Variants in HMCN1 observed in about 807,000 individuals in gnomAD.
HMCN1 encodes hemicentin 1, also known as hemicentin-1.
A neutral mutation model predicts 625.9 loss-of-function variants in HMCN1; 321 were observed. The observed-to-expected ratio is 0.51, with a 90% CI of 0.47 to 0.56. The LOEUF is 0.56. HMCN1 is among the 20% of genes least tolerant of loss of function. The pLI, the probability that HMCN1 is intolerant of heterozygous loss-of-function variation, is 0.00. For synonymous variants in HMCN1, 2,425 were observed against 2,417.6 expected (o/e 1.00, Z -0.09); for missense variants, 6,588 against 6,887.3 (o/e 0.96, Z 1.54).
At chr1:186,111,067 G>A (rs1244060844) in intron 71 of HMCN1, among the ~76,000 whole-genome samples, 3 of 137,240 alleles carry the variant, frequency 2.2e-5, no homozygotes, top group African/African-American at 8.5e-5. Context: ...TGCAAGCTCC[G>A]CCTCCTGGGT....
chr1:186,040,466 G>C (rs1423739360), intron 39 of HMCN1, among the ~76,000 whole-genome samples: 1 of 152,098 alleles, frequency 6.6e-6, no homozygotes. Context: ...AGAAAGCATA[G>C]TATTCCTAAC....
intron 45 of HMCN1, 41 bp from the exon 46 acceptor site, chr1:186,057,193 C>A: frequency 1.3e-6 from 2 of 1,536,192 alleles, no homozygotes; most frequent in Non-Finnish European, 1.8e-6. Flanking sequence ...TATCAGGCAA[C>A]TAATATTTCC....
At position 186,145,837 on chromosome 1, in the gene HMCN1, G is replaced by A. The variant is rs201442868; in HGVS notation, c.14522G>A (p.Cys4841Tyr). 1.9e-6 allele frequency: 3 copies of A among 1,614,080 alleles called. No homozygotes were observed. In the East Asian group the frequency reaches 6.7e-5, roughly 36 times the overall value. The change falls in exon 93 of 107, where the codon TGC becomes TAC. Residue 4841 changes from cysteine (C) to tyrosine (Y), a missense_variant. By Grantham distance (194) the Cys-to-Tyr change is radical. Transcript: ENST00000271588. ...GGGEKTRKRL[C>Y]DHPVPVKGGR... Reference sequence around the variant, plus strand: ...GGTGAAAAGACTCGGAAGCGGCTGTGCGACCATCCTGTGCCAGTTAAAGGT... The same window carrying A: ...GGTGAAAAGACTCGGAAGCGGCTGTACGACCATCCTGTGCCAGTTAAAGGT...
rs576384340 is a variant in HMCN1, at chr1:185,758,496, C to G, written c.268+23449C>G. ...ACAAAAAATACAAAAATTAGCTGGGCGTGGTTGCACATGCCTGTAGTCCCA... is the reference window on the plus strand; with the variant it reads ...ACAAAAAATACAAAAATTAGCTGGGGGTGGTTGCACATGCCTGTAGTCCCA... On this transcript the variant is annotated intron_variant, in intron 1 of 106. Coordinates refer to ENST00000271588, the MANE Select transcript of HMCN1 (RefSeq NM_031935.3). Among the ~76,000 whole-genome samples the G allele has an allele frequency of 2.0e-5, 3 of 152,144 alleles. No individual in the cohort carries two copies. In the East Asian group the frequency reaches 5.8e-4, roughly 29 times the overall value.
At chr1:185,891,492 T>G (rs1299142617) in intron 4 of HMCN1, among the ~76,000 whole-genome samples, 2 of 148,196 alleles carry the variant, frequency 1.3e-5, no homozygotes, top group African/African-American at 2.7e-5. Context: ...AGGAGCTCTT[T>G]TAGGGCAGGC....
rs530866446 is a variant in HMCN1 at position 185,914,146 on chromosome 1, A to G, written c.900+2366A>G. ...CATTATAATGAAACTTAAAAATAAC[A>G]AACTTATTTTGCTTCTATATGAAAT... is the stretch of plus-strand genomic sequence containing the variant. On this transcript the variant is annotated intron_variant, in intron 6 of 106. Coordinates refer to ENST00000271588, the MANE Select transcript of HMCN1 (RefSeq NM_031935.3). 1.4e-4 allele frequency among the ~76,000 whole-genome samples: 21 copies of G among 152,286 alleles called. No homozygotes were observed. The South Asian group carries it at 4.3e-3, about 32-fold the overall frequency.
At position 185,984,183 on chromosome 1, in the gene HMCN1, T is replaced by A. The variant is rs1651854369; in HGVS notation, c.2805T>A (p.Pro935=). 6.2e-7 allele frequency: 1 copy of A among 1,613,458 alleles called. No homozygotes were observed. Reference sequence around the variant, plus strand: ...TTTCCTTTAAGTTGCTCCAAAATCCTTACATCACTGTGCGCAGTGATGGGA... The same window carrying A: ...TTTCCTTTAAGTTGCTCCAAAATCCATACATCACTGTGCGCAGTGATGGGA... The part of the protein sequence containing the change: ...IKNSAMLLQN[P]YITVRSDGSL... Residue 935 remains proline (P), a synonymous_variant, in exon 19 of 107, where the codon CCT becomes CCA. Transcript: ENST00000271588.
At chr1:185,937,809 A>G (rs963174175) in intron 11 of HMCN1, among the ~76,000 whole-genome samples, 2 of 151,620 alleles carry the variant, frequency 1.3e-5, no homozygotes, top group African/African-American at 4.8e-5. Flanking sequence ...TGAACTTGGG[A>G]GGCGGAGGTT....
intron 1 of HMCN1, among the ~76,000 whole-genome samples, chr1:185,784,091 T>A (rs1215774146): frequency 2.0e-5 from 3 of 152,204 alleles, no homozygotes; most frequent in African/African-American, 7.2e-5. Context: ...ACCTTGCAGT[T>A]TGATCTCAGA....
rs761523428 is a variant in HMCN1 at position 186,019,551 on chromosome 1, A to G, written c.5481A>G (p.Thr1827=). 115 of 1,609,926 alleles carry G rather than the reference A, an allele frequency of 7.1e-5. No homozygotes were observed. Among genetic ancestry groups the G allele is most frequent in the Non-Finnish European group, 9.6e-5 (113 of 1,176,626 alleles). Residue 1827 remains threonine (T), a synonymous_variant, in exon 35 of 107, where the codon ACA becomes ACG. Transcript: ENST00000271588. ...EFEVTVHVPP[T]IKSSGLSERV... is the part of the protein sequence containing the mutation. ...CTTCCTTAAATATAGTTCCTCCAACAATCAAGTCCTCAGGCCTTTCTGAGA... is the reference window on the plus strand; with the variant it reads ...CTTCCTTAAATATAGTTCCTCCAACGATCAAGTCCTCAGGCCTTTCTGAGA...
At chr1:185,783,981 C>T (rs115333576) in intron 1 of HMCN1, among the ~76,000 whole-genome samples, 7,516 of 152,294 alleles carry the variant, frequency 0.049, 565 homozygotes, top group African/African-American at 0.17. Flanking sequence ...CCTTTAGCTG[C>T]GGTGGGCTCC....
At chr1:186,090,392 G>A (rs1659774864) in intron 63 of HMCN1, among the ~76,000 whole-genome samples, 1 of 151,872 alleles carries the variant, frequency 6.6e-6, no homozygotes, top group African/African-American at 2.4e-5. Flanking sequence ...TGAATTAAGA[G>A]CAAAAGAAAA....
rs147769095 is a variant in HMCN1, at chr1:186,166,883, G to A, written c.15515G>A (p.Arg5172His). Residue 5172 changes from arginine to histidine, a missense_variant, in exon 100 of 107, where the codon CGC becomes CAC. Arg to His is a conservative substitution (Grantham distance 29). Transcript: ENST00000271588. ...QDCDNTIGSYRCVVRCGSGFR... is the reference protein window; with the variant it reads ...QDCDNTIGSYHCVVRCGSGFR... Reference sequence around the variant, plus strand: ...TGTGACAATACGATTGGATCTTATCGCTGTGTGGTCCGTTGTGGAAGTGGC... The same window carrying A: ...TGTGACAATACGATTGGATCTTATCACTGTGTGGTCCGTTGTGGAAGTGGC... 1,403 of 1,614,154 alleles carry A rather than the reference G, an allele frequency of 8.7e-4. 1 individual carries two copies. Among genetic ancestry groups the A allele is most frequent in the Non-Finnish European group, 9.5e-4 (1,124 of 1,180,022 alleles).
intron 6 of HMCN1, among the ~76,000 whole-genome samples, chr1:185,919,074 C>T (rs1322077444): frequency 3.4e-5 from 5 of 146,072 alleles, no homozygotes; most frequent in African/African-American, 5.1e-5. Flanking sequence ...AATTTTAGGA[C>T]ATATATATAT....
chr1:185,854,951 A>T (rs1662373948), intron 2 of HMCN1, among the ~76,000 whole-genome samples: 1 of 152,222 alleles, frequency 6.6e-6, no homozygotes. Context: ...GCTAGACGGC[A>T]TGCAGAATCC....
chr1:185,948,673 A>G lies in HMCN1; in HGVS notation c.1829-13845A>G, dbSNP rs1420325263. 1.8e-4 allele frequency among the ~76,000 whole-genome samples: 27 copies of G among 151,672 alleles called. No individual in the cohort carries two copies. The South Asian group carries it at 3.1e-3, about 17-fold the overall frequency. The stretch of plus-strand genomic sequence containing the variant: ...TTCAGTTACTTCAGGCCATCTGGGC[A>G]TATATGTGCAAGTCACAGGGGATGC... On this transcript the variant is annotated intron_variant, in intron 11 of 106. Coordinates refer to ENST00000271588, the MANE Select transcript of HMCN1 (RefSeq NM_031935.3).
In HMCN1 at chr1:186,000,085, A is replaced by G. The variant is rs776540624; in HGVS notation, c.3915A>G (p.Arg1305=). The G allele has an allele frequency of 1.4e-5, 22 of 1,613,006 alleles. No homozygotes were observed. The highest frequency in any genetic ancestry group is 1.8e-5 in the Non-Finnish European group (21 of 1,179,372). Residue 1305 remains arginine (R), a synonymous_variant, in exon 26 of 107, where the codon AGA becomes AGG. Coordinates refer to ENST00000271588, the MANE Select transcript of HMCN1 (RefSeq NM_031935.3). ...KPTIKWLHNG[R]ELTGREPGIS... is the part of the protein sequence containing the mutation. ...CCATCAAATGGTTACACAATGGTAG[A>G]GAGTTGACAGGCAGAGAGCCTGGCA...
intron 21 of HMCN1, 49 bp downstream of exon 21, chr1:185,989,696 C>T (rs1267394723): frequency 6.4e-7 from 1 of 1,574,644 alleles, no homozygotes; most frequent in Non-Finnish European, 8.7e-7. Context: ...CTATCTGTGC[C>T]AAAACTCACA....
At chr1:185,843,587 T>A (rs1661626665) in intron 1 of HMCN1, among the ~76,000 whole-genome samples, 1 of 152,120 alleles carries the variant, frequency 6.6e-6, no homozygotes, top group Non-Finnish European at 1.5e-5. Context: ...GGCTCTGTTA[T>A]GTGAAAAGAA....
Sources: gnomAD v4.1 joint callset for allele counts (sites outside exome capture counted in the v4.1 genomes callset) on GRCh38, gnomAD v4.1.1 for gene constraint, MANE v1.5 for transcripts, NCBI Gene and HGNC (gene_info 2026-07-23, HGNC 2026-07-21) for gene names.